Variants in ZSWIM5 observed in about 807,000 individuals in gnomAD.
ZSWIM5 encodes the protein zinc finger SWIM-type containing 5.
In ZSWIM5, 55 loss-of-function variants were observed where a neutral mutation model predicts 119.6. The observed-to-expected ratio is 0.46, with a 90% confidence interval of 0.37 to 0.58. ZSWIM5 has a LOEUF of 0.58. Among genes scored for constraint, ZSWIM5 ranks in the 20% least tolerant of loss-of-function variants. The probability of loss-of-function intolerance (pLI) is 0.00; values close to 1 mark genes in which losing one functional copy is unlikely to be tolerated. For synonymous variants in ZSWIM5, 537 were observed against 606.9 expected (o/e 0.88, Z 1.69); for missense variants, 1,193 against 1,512.8 (o/e 0.79, Z 3.51).
chr1:45,034,098 C>T (rs1644968472), intron 11 of ZSWIM5, among the ~76,000 whole-genome samples: 2 of 152,164 alleles, frequency 1.3e-5, no homozygotes, highest in African/African-American at 2.4e-5. Flanking sequence ...CGTGATCTCC[C>T]GCCTCGGCCT....
intron 5 of ZSWIM5, among the ~76,000 whole-genome samples, chr1:45,044,774 TAA>T (rs1491146001): frequency 0.11 from 357 of 3,290 alleles, 132 homozygotes; most frequent in African/African-American, 0.21. Context: ...TATATATATA[TAA>T]ATATATATAT....
chr1:45,070,152 A>G, intron 2 of ZSWIM5: 1 of 1,206,348 alleles, frequency 8.3e-7, no homozygotes, highest in Non-Finnish European at 1.2e-6. Flanking sequence ...CACTGTAAAC[A>G]GGAAGCTGGA....
chr1:45,061,402 ACT>A lies in ZSWIM5; in HGVS notation c.953-1157_953-1156del, dbSNP rs202010977. On this transcript the variant is annotated intron_variant, in intron 2 of 13. Coordinates refer to ENST00000359600, the MANE Select transcript of ZSWIM5 (RefSeq NM_020883.2). ...TTTTTTTTTTTTGAGACAGAGTCTC[ACT>A]CTGTCATCCAGGTTGGAGTGCAGTG... Among the ~76,000 whole-genome samples, 1,222 of 147,170 alleles carry A rather than the reference ACT, an allele frequency of 8.3e-3. 12 individuals carry two copies. The highest frequency in any genetic ancestry group is 0.028 in the African/African-American group (1,090 of 39,420).
intron 11 of ZSWIM5, among the ~76,000 whole-genome samples, chr1:45,025,772 T>C (rs527820896): frequency 3.9e-5 from 6 of 152,320 alleles, no homozygotes; most frequent in African/African-American, 1.4e-4. Context: ...ATATGTACAA[T>C]CCCTTCCTTT....
chr1:45,172,723 A>C (rs1645953920), intron 1 of ZSWIM5, among the ~76,000 whole-genome samples: 2 of 152,160 alleles, frequency 1.3e-5, no homozygotes, highest in Admixed American at 1.3e-4. Context: ...TTTTTCTCCC[A>C]CAGCATGTCC....
At chr1:45,119,759 C>A (rs546224654) in intron 1 of ZSWIM5, among the ~76,000 whole-genome samples, 1 of 152,306 alleles carries the variant, frequency 6.6e-6, no homozygotes, top group East Asian at 1.9e-4. Flanking sequence ...ACCTTTGTAT[C>A]TCCAAACCTA....
At chr1:45,093,116 A>G (rs1645377949) in intron 1 of ZSWIM5, among the ~76,000 whole-genome samples, 1 of 152,238 alleles carries the variant, frequency 6.6e-6, no homozygotes, top group Admixed American at 6.5e-5. Flanking sequence ...ACACCCAGGC[A>G]GTCTGGTTCT....
intron 1 of ZSWIM5, among the ~76,000 whole-genome samples, chr1:45,161,147 A>G (rs1052019728): frequency 6.6e-6 from 1 of 151,768 alleles, no homozygotes; most frequent in Non-Finnish European, 1.5e-5. Context: ...TTAAAAATCC[A>G]TTTGTCTGTA....
At chr1:45,027,102 CTT>C (rs1171121260) in intron 11 of ZSWIM5, among the ~76,000 whole-genome samples, 2 of 137,012 alleles carry the variant, frequency 1.5e-5, no homozygotes, top group Admixed American at 7.3e-5. Context: ...TAGATCTCCT[CTT>C]TTTTTTTTTT....
intron 2 of ZSWIM5, among the ~76,000 whole-genome samples, chr1:45,062,885 G>A (rs1043350462): frequency 1.3e-5 from 2 of 152,150 alleles, no homozygotes; most frequent in Non-Finnish European, 2.9e-5. Context: ...TATACTGTGT[G>A]ATGCTGAGGT....
chr1:45,178,579 T>C (rs965991708), intron 1 of ZSWIM5, among the ~76,000 whole-genome samples: 7 of 152,196 alleles, frequency 4.6e-5, no homozygotes, highest in Non-Finnish European at 8.8e-5. Context: ...TAAATTACTA[T>C]ATATTTGACC....
intron 3 of ZSWIM5, 63 bp downstream of exon 3, chr1:45,060,036 T>C: frequency 6.3e-7 from 1 of 1,581,166 alleles, no homozygotes; most frequent in Non-Finnish European, 8.7e-7. Flanking sequence ...AAGTGTGGTG[T>C]GCCCAGTCTG....
At position 45,088,304 on chromosome 1, in the gene ZSWIM5, A is replaced by G; in HGVS notation, c.596-67T>C. ...TAATAAACTTAGATTCTCATTTTAC[A>G]TGTAAATTCATCAATTCATAAATTA... On this transcript the variant is annotated intron_variant, in intron 1 of 13. Coordinates refer to ENST00000359600, the MANE Select transcript of ZSWIM5 (RefSeq NM_020883.2). This position sits in a 1 kb window ranked among gnomAD's most constrained non-coding sequence, Gnocchi z 4.2. The G allele has an allele frequency of 8.6e-7, 1 of 1,156,692 alleles. No homozygotes were observed. The highest frequency in any genetic ancestry group is 2.5e-5 in the East Asian group (1 of 40,784). The allele number at this position is 1,156,692 out of a possible 1,614,324, so 71.7% of individuals were successfully genotyped here. A position where few individuals can be genotyped will look rare whatever the true frequency, so the allele number is the denominator to read the frequency against.
intron 11 of ZSWIM5, among the ~76,000 whole-genome samples, chr1:45,030,436 A>C (rs1299518684): frequency 6.6e-6 from 1 of 151,880 alleles, no homozygotes; most frequent in Non-Finnish European, 1.5e-5. Flanking sequence ...TAGTACAGAC[A>C]GGGTTTTGCC....
At chr1:45,096,434 TTGTGTGTG>T (rs112308838) in intron 1 of ZSWIM5, among the ~76,000 whole-genome samples, 1 of 144,344 alleles carries the variant, frequency 6.9e-6, no homozygotes, top group Non-Finnish European at 1.5e-5. Context: ...AGATAACTGT[TTGTGTGTG>T]TGTGTGTGTG....
intron 2 of ZSWIM5, among the ~76,000 whole-genome samples, chr1:45,084,574 T>C (rs1645313622): frequency 6.6e-6 from 1 of 152,196 alleles, no homozygotes; most frequent in African/African-American, 2.4e-5. Context: ...ACTTCCAAGA[T>C]ACAATGGAAG....
Position 45,088,471 on chromosome 1 carries a change from C to T in ZSWIM5, c.596-234G>A, listed in dbSNP as rs907218901. 2.0e-5 allele frequency among the ~76,000 whole-genome samples: 3 copies of T among 152,164 alleles called. No homozygotes were observed. The highest frequency in any genetic ancestry group is 2.9e-5 in the Non-Finnish European group (2 of 68,040). ...AGTTCGTGAACCTCCTGAACTCACA[C>T]TGATATGAAAACTTTAGTTTGTACG... On this transcript the variant is annotated intron_variant, in intron 1 of 13. Transcript: ENST00000359600. This position sits in a 1 kb window ranked among gnomAD's most constrained non-coding sequence, Gnocchi z 4.2.
At chr1:45,131,338 T>C (rs939049636) in intron 1 of ZSWIM5, among the ~76,000 whole-genome samples, 2 of 152,164 alleles carry the variant, frequency 1.3e-5, no homozygotes, top group African/African-American at 4.8e-5. Flanking sequence ...ATAAAAAACA[T>C]ATAATGCTTA....
intron 1 of ZSWIM5, among the ~76,000 whole-genome samples, chr1:45,096,449 T>C (rs537785976): frequency 2.8e-5 from 4 of 145,298 alleles, no homozygotes; most frequent in Non-Finnish European, 4.4e-5. Context: ...TGTGTGTGTG[T>C]GTGTGTGTGT....
Sources: gnomAD v4.1 joint callset for allele counts (sites outside exome capture counted in the v4.1 genomes callset) on GRCh38, gnomAD v4.1.1 for gene constraint, Gnocchi (gnomAD v3.1) non-coding constraint, MANE v1.5 for transcripts, NCBI Gene and HGNC (gene_info 2026-07-23, HGNC 2026-07-21) for gene names.